Variants in BRD10 observed in about 807,000 individuals in gnomAD.
BRD10 encodes the protein uncharacterized bromodomain-containing protein 10.
the BRD10 span, chr9:5,944,984 G>C: frequency 1.6e-6 from 2 of 1,240,102 alleles, no homozygotes; most frequent in Non-Finnish European, 2.3e-6. Context: ...CAAAAACACA[G>C]CTTGATAACA....
At chr9:5,943,769 A>G in the BRD10 span, among the ~76,000 whole-genome samples, 3 of 152,184 alleles carry the variant, frequency 2.0e-5, no homozygotes, top group Non-Finnish European at 2.9e-5. Flanking sequence ...CAAGTTAATT[A>G]TTGAACATAA....
the BRD10 span, chr9:5,919,934 G>A: frequency 1.9e-6 from 3 of 1,613,970 alleles, no homozygotes; most frequent in Non-Finnish European, 2.5e-6. Context: ...GCAAATGGCA[G>A]AAACCAAAGA....
chr9:6,007,226 T>G, the BRD10 span: 1 of 1,613,550 alleles, frequency 6.2e-7, no homozygotes, highest in Non-Finnish European at 8.5e-7. Context: ...TGCTCCAGCA[T>G]CATCTCCAGC....
the BRD10 span, among the ~76,000 whole-genome samples, chr9:5,984,566 A>C: frequency 6.6e-6 from 1 of 152,226 alleles, no homozygotes; most frequent in Non-Finnish European, 1.5e-5. Flanking sequence ...ACATCAGAAA[A>C]CATAAAAGCC....
chr9:5,964,372 T>G, the BRD10 span, among the ~76,000 whole-genome samples: 91 of 151,894 alleles, frequency 6.0e-4, no homozygotes, highest in African/African-American at 1.9e-3. Flanking sequence ...TCTCACACCA[T>G]TTAGAATGGC....
chr9:5,945,530 A>C, the BRD10 span, among the ~76,000 whole-genome samples: 1 of 152,130 alleles, frequency 6.6e-6, no homozygotes, highest in Non-Finnish European at 1.5e-5. Flanking sequence ...TCTTTAATAA[A>C]ACCATCTCCA....
At chr9:5,993,312 T>TGA in the BRD10 span, among the ~76,000 whole-genome samples, 2 of 116,676 alleles carry the variant, frequency 1.7e-5, no homozygotes, top group Non-Finnish European at 3.3e-5. Flanking sequence ...GAGACTCCAT[T>TGA]AAAAAAAAAA....
chr9:5,918,032 G>A, the BRD10 span, among the ~76,000 whole-genome samples: 2 of 152,114 alleles, frequency 1.3e-5, no homozygotes, highest in African/African-American at 4.8e-5. Context: ...GCCATTTGTT[G>A]AGCACCATCA....
chr9:5,977,643 C>A, the BRD10 span, among the ~76,000 whole-genome samples: 1 of 152,064 alleles, frequency 6.6e-6, no homozygotes, highest in Middle Eastern at 3.4e-3. Context: ...GTCAGGAGAT[C>A]GAGACCACGG....
the BRD10 span, among the ~76,000 whole-genome samples, chr9:5,905,339 T>C: frequency 3.9e-5 from 6 of 152,114 alleles, no homozygotes; most frequent in Non-Finnish European, 8.8e-5. Context: ...AGGTGAGAGA[T>C]GCCTCATTAT....
At chr9:5,947,664 T>G in the BRD10 span, among the ~76,000 whole-genome samples, 1 of 152,054 alleles carries the variant, frequency 6.6e-6, no homozygotes, top group African/African-American at 2.4e-5. Flanking sequence ...TTTATAAAAC[T>G]GAATAGGAAC....
At chr9:5,996,060 T>C in the BRD10 span, among the ~76,000 whole-genome samples, 2 of 152,182 alleles carry the variant, frequency 1.3e-5, no homozygotes. Flanking sequence ...GGAAAAGTTC[T>C]ATGGACAAAA....
At chr9:5,954,625 C>G in the BRD10 span, among the ~76,000 whole-genome samples, 1 of 152,066 alleles carries the variant, frequency 6.6e-6, no homozygotes, top group Non-Finnish European at 1.5e-5. Context: ...TATCAATACC[C>G]AAAGTTTTAA....
the BRD10 span, among the ~76,000 whole-genome samples, chr9:5,988,802 C>A: frequency 6.6e-6 from 1 of 151,604 alleles, no homozygotes. Flanking sequence ...GACTAAAGCA[C>A]TATCTCTTTA....
At chr9:5,958,298 C>G in the BRD10 span, among the ~76,000 whole-genome samples, 3 of 152,112 alleles carry the variant, frequency 2.0e-5, no homozygotes, top group African/African-American at 7.2e-5. Context: ...CTCTAGTTTT[C>G]TAGAATCTGG....
the BRD10 span, among the ~76,000 whole-genome samples, chr9:5,973,138 G>A: frequency 3.9e-5 from 6 of 152,122 alleles, no homozygotes; most frequent in Admixed American, 1.3e-4. Flanking sequence ...AATGCTCTAC[G>A]GAGTTTAAAA....
chr9:5,985,491 A>G, the BRD10 span, among the ~76,000 whole-genome samples: 1 of 152,202 alleles, frequency 6.6e-6, no homozygotes, highest in Non-Finnish European at 1.5e-5. Flanking sequence ...TCCAGAATAC[A>G]TAAAGAATTC....
At chr9:5,994,740 A>T in the BRD10 span, among the ~76,000 whole-genome samples, 1 of 152,046 alleles carries the variant, frequency 6.6e-6, no homozygotes, top group Non-Finnish European at 1.5e-5. Context: ...CTTCACTCCT[A>T]TACTTCTCCT....
At chr9:5,905,848 T>C in the BRD10 span, among the ~76,000 whole-genome samples, 3 of 152,216 alleles carry the variant, frequency 2.0e-5, no homozygotes, top group Non-Finnish European at 4.4e-5. Context: ...TCTCAGGACC[T>C]CTTGAGACTA....
Sources: gnomAD v4.1 joint callset for allele counts (sites outside exome capture counted in the v4.1 genomes callset) on GRCh38, gnomAD v4.1.1 for gene constraint, MANE v1.5 for transcripts, NCBI Gene and HGNC (gene_info 2026-07-23, HGNC 2026-07-21) for gene names.